The following ELMO1 variants were observed in gnomAD, a reference collection of about 807,000 sequenced individuals.
ELMO1 encodes engulfment and cell motility 1.
Under a neutral mutation model 98.9 loss-of-function variants are expected in ELMO1, and 26 were observed. The observed-to-expected ratio is 0.26, with a 90% CI of 0.19 to 0.36. The LOEUF is 0.36. ELMO1 is among the 10% of genes least tolerant of loss of function. ELMO1 has a pLI of 1.00. For synonymous variants in ELMO1, 346 were observed against 346.0 expected, an observed-to-expected ratio of 1.00 and a Z score of 0.00; for missense variants, 627 against 935.2, an observed-to-expected ratio of 0.67 and a Z score of 4.30.
chr7:37,334,679 C>T (rs12333933), intron 2 of ELMO1, among the ~76,000 whole-genome samples: 29,827 of 152,036 alleles, frequency 0.2, 3,400 homozygotes, highest in East Asian at 0.42. Flanking sequence ...ATTATTACTG[C>T]TACTAACGAG....
At chr7:36,954,033 A>T (rs1376711904) in intron 16 of ELMO1, among the ~76,000 whole-genome samples, 2 of 152,200 alleles carry the variant, frequency 1.3e-5, no homozygotes, top group African/African-American at 2.4e-5. Flanking sequence ...CATGCCTACA[A>T]CTTGGACCCT....
At chr7:37,175,836 G>T (rs1342206150) in intron 13 of ELMO1, among the ~76,000 whole-genome samples, 1 of 151,504 alleles carries the variant, frequency 6.6e-6, no homozygotes, top group Admixed American at 6.6e-5. Context: ...GACAGAGTGA[G>T]ATTCTGTCTC....
chr7:36,900,055 G>A (rs1010206137), intron 16 of ELMO1, among the ~76,000 whole-genome samples: 21 of 152,096 alleles, frequency 1.4e-4, no homozygotes, highest in African/African-American at 4.8e-4. Context: ...CTGGCCACTT[G>A]GTAGGAATGC....
chr7:36,883,801 G>A (rs542906471), intron 18 of ELMO1, among the ~76,000 whole-genome samples: 6 of 152,244 alleles, frequency 3.9e-5, no homozygotes, highest in Middle Eastern at 3.4e-3. Flanking sequence ...TTTCTTTATA[G>A]TAATGCGAGA....
At chr7:37,236,962 C>A (rs1794500398) in intron 7 of ELMO1, among the ~76,000 whole-genome samples, 1 of 152,208 alleles carries the variant, frequency 6.6e-6, no homozygotes, top group Admixed American at 6.5e-5. Flanking sequence ...AAAGCAACCA[C>A]ATGGCACATC....
chr7:37,357,861 G>A (rs755700717), intron 1 of ELMO1, among the ~76,000 whole-genome samples: 9 of 152,230 alleles, frequency 5.9e-5, no homozygotes, highest in Non-Finnish European at 1.2e-4. Flanking sequence ...TGACAGTGGA[G>A]CCAGTGGGCC....
chr7:37,259,189 G>A lies in ELMO1; in HGVS notation c.405C>T (p.Ser135=), dbSNP rs756431915. 1.2e-5 allele frequency: 19 copies of A among 1,613,426 alleles called. No homozygotes were observed. The highest frequency in any genetic ancestry group is 1.2e-4 in the Admixed American group (7 of 59,896). Reference sequence around the variant, plus strand: ...GGAAAAAAGACGCTTACTCAGTGCCGCTCTCCACCATCTGCGTGAGGAGAG... The same window carrying A: ...GGAAAAAAGACGCTTACTCAGTGCCACTCTCCACCATCTGCGTGAGGAGAG... ...GISLLTQMVE[S]GTERYQKLQK... is the part of the protein sequence containing the mutation. Residue 135 remains serine (S), a synonymous_variant, in exon 6 of 22, where the codon AGC becomes AGT. Transcript: ENST00000310758.
chr7:37,323,368 A>T lies in ELMO1; in HGVS notation c.79-7408T>A, dbSNP rs575571008. ...AGTCCACAAAGTAAATTTCCTACAC[A>T]AGAAGATTTATTGCCAATTTTTGTA... On this transcript the variant is annotated intron_variant, in intron 2 of 21. Transcript: ENST00000310758. Among the ~76,000 whole-genome samples, 8 of 152,326 alleles carry T rather than the reference A, an allele frequency of 5.3e-5. No homozygotes were observed. The East Asian group carries it at 9.6e-4, about 18-fold the overall frequency.
intron 15 of ELMO1, among the ~76,000 whole-genome samples, chr7:37,022,916 C>T (rs1794355464): frequency 6.6e-6 from 1 of 152,152 alleles, no homozygotes; most frequent in Non-Finnish European, 1.5e-5. Context: ...TTTAAAAATG[C>T]TACATACAAT....
At chr7:37,166,161 A>G (rs989076983) in intron 13 of ELMO1, among the ~76,000 whole-genome samples, 21 of 152,120 alleles carry the variant, frequency 1.4e-4, no homozygotes, top group African/African-American at 4.1e-4. Flanking sequence ...GGTAGTTTGT[A>G]TTTCTGTGGG....
rs971499028 is a variant in ELMO1, at chr7:37,033,335, C to T, written c.1301-19900G>A. 3.3e-5 allele frequency: 15 copies of T among 451,912 alleles called. No homozygotes were observed. The Admixed American group carries it at 3.4e-4, about 10-fold the overall frequency. The allele number at this position is 451,912 out of a possible 1,614,324, so 28.0% of individuals were successfully genotyped here. ...TAATAAAAGGGGATAAAAATACTTGCCACCTACTTACCTCCGAGACACACT... is the reference window on the plus strand; with the variant it reads ...TAATAAAAGGGGATAAAAATACTTGTCACCTACTTACCTCCGAGACACACT... On this transcript the variant is annotated intron_variant, in intron 15 of 21. Coordinates refer to ENST00000310758, the MANE Select transcript of ELMO1 (RefSeq NM_014800.11).
chr7:37,014,026 C>T (rs571096819), intron 15 of ELMO1, among the ~76,000 whole-genome samples: 5 of 152,252 alleles, frequency 3.3e-5, no homozygotes, highest in African/African-American at 1.2e-4. Context: ...GAAGTCAAAG[C>T]AACCTGAATA....
At chr7:37,378,654 A>C (rs527383355) in intron 1 of ELMO1, among the ~76,000 whole-genome samples, 1 of 152,240 alleles carries the variant, frequency 6.6e-6, no homozygotes, top group Admixed American at 6.5e-5. Flanking sequence ...AATTTGCTAT[A>C]TTCTTGACTC....
At chr7:37,125,379 T>C (rs943634372) in intron 14 of ELMO1, among the ~76,000 whole-genome samples, 7 of 152,044 alleles carry the variant, frequency 4.6e-5, no homozygotes, top group South Asian at 2.1e-4. Flanking sequence ...ATTTTTGCAA[T>C]CTACTCATCT....
intron 16 of ELMO1, among the ~76,000 whole-genome samples, chr7:36,910,254 G>A (rs1784250245): frequency 6.6e-6 from 1 of 152,252 alleles, no homozygotes; most frequent in Non-Finnish European, 1.5e-5. Flanking sequence ...TAGTGGCAGA[G>A]CAGGGATTTG....
At chr7:37,206,205 T>C (rs1261216183) in intron 13 of ELMO1, among the ~76,000 whole-genome samples, 2 of 152,256 alleles carry the variant, frequency 1.3e-5, no homozygotes, top group Non-Finnish European at 2.9e-5. Flanking sequence ...AGCACTGCTC[T>C]GAACAACTTC....
chr7:36,921,045 T>TA (rs1202109491), intron 16 of ELMO1, among the ~76,000 whole-genome samples: 1 of 152,150 alleles, frequency 6.6e-6, no homozygotes, highest in African/African-American at 2.4e-5. Context: ...CAAGGGAGCT[T>TA]ATTAGTCCCT....
chr7:36,986,600 G>A (rs539867587), intron 16 of ELMO1: 2 of 152,262 alleles, frequency 1.3e-5, no homozygotes, highest in Non-Finnish European at 2.9e-5. Context: ...GCAGCGAGTT[G>A]GATTCGTGCA....
intron 1 of ELMO1, among the ~76,000 whole-genome samples, chr7:37,420,158 A>C (rs560301523): frequency 1.3e-5 from 2 of 152,034 alleles, no homozygotes; most frequent in Non-Finnish European, 2.9e-5. Flanking sequence ...CCAATAGCCA[A>C]ATGGCCTCCC....
Sources: gnomAD v4.1 joint callset for allele counts (sites outside exome capture counted in the v4.1 genomes callset) on GRCh38, gnomAD v4.1.1 for gene constraint, MANE v1.5 for transcripts, NCBI Gene and HGNC (gene_info 2026-07-23, HGNC 2026-07-21) for gene names.